FSIP2: variants seen among roughly 807,000 people sequenced by gnomAD.
FSIP2 encodes the protein fibrous sheath interacting protein 2, also known as fibrous sheath-interacting protein 2.
FSIP2 carries 367 observed loss-of-function variants against 510.5 expected under a neutral mutation model. The ratio of observed to expected loss-of-function variants is 0.72; its 90% CI spans 0.66 to 0.78. FSIP2 has a LOEUF of 0.78. Ranked by LOEUF, FSIP2 falls within the 30% of genes least tolerant of loss-of-function variation. The probability of loss-of-function intolerance (pLI) is 0.00; values close to 1 mark genes in which losing one functional copy is unlikely to be tolerated. For missense variants in FSIP2, 7,594 were observed against 7,901.7 expected, an observed-to-expected ratio of 0.96 and a Z score of 1.48; for synonymous variants, 2,601 against 2,732.2, an observed-to-expected ratio of 0.95 and a Z score of 1.50.
At position 185,783,089 on chromosome 2, in the gene FSIP2, G is replaced by A. The variant is rs1045765685; in HGVS notation, c.1469+327G>A. On this transcript the variant is annotated intron_variant, in intron 14 of 22. Coordinates refer to ENST00000424728, the MANE Select transcript of FSIP2 (RefSeq NM_173651.4). ...CTTTGCTTTTCTCTTCTTTGAAACA[G>A]CTACCATTTCTTATGTTTTTTGAGA... Among the ~76,000 whole-genome samples, 3 of 152,176 alleles carry A rather than the reference G, an allele frequency of 2.0e-5. No individual in the cohort carries two copies. In the East Asian group the frequency reaches 5.8e-4, roughly 29 times the overall value.
chr2:185,812,391 T>A (rs1574202600), intron 17 of FSIP2, among the ~76,000 whole-genome samples: 1 of 152,134 alleles, frequency 6.6e-6, no homozygotes, highest in Non-Finnish European at 1.5e-5. Context: ...GTTTGCCCAA[T>A]GCCTGTACCT....
intron 15 of FSIP2, among the ~76,000 whole-genome samples, chr2:185,786,958 T>TATCA (rs1693000787): frequency 6.6e-6 from 1 of 151,862 alleles, no homozygotes; most frequent in Non-Finnish European, 1.5e-5. Flanking sequence ...GGATTCTATC[T>TATCA]ATCATATTTC....
Position 185,805,474 on chromosome 2 carries a change from T to C in FSIP2, c.16168T>C (p.Ser5390Pro), listed in dbSNP as rs772010385. The C allele has an allele frequency of 6.2e-7, 1 of 1,611,392 alleles. No individual in the cohort carries two copies. Among genetic ancestry groups the C allele is most frequent in the Admixed American group, 1.7e-5 (1 of 59,750 alleles). ...MIAALTQKAI[S>P]AFRIQPLFSG... ...TGCTGCTCTAACCCAGAAGGCAATA[T>C]CTGCATTCAGGATTCAACCACTTTT... Residue 5390 changes from serine (S) to proline (P), a missense_variant, in exon 17 of 23, where the codon TCT becomes CCT. Ser to Pro is a moderately conservative substitution (Grantham distance 74, BLOSUM62 -1). Transcript: ENST00000424728.
intron 21 of FSIP2, among the ~76,000 whole-genome samples, chr2:185,830,303 T>C (rs1384144541): frequency 2.0e-5 from 3 of 151,918 alleles, no homozygotes; most frequent in Non-Finnish European, 4.4e-5. Flanking sequence ...AACTCTGACA[T>C]AGCCAAGGTT....
chr2:185,755,851 G>A (rs1207402567), intron 8 of FSIP2, among the ~76,000 whole-genome samples: 2 of 151,550 alleles, frequency 1.3e-5, no homozygotes, highest in Non-Finnish European at 3.0e-5. Context: ...AAGAATTACA[G>A]CAGTCACTGT....
chr2:185,763,978 C>T (rs549387139), intron 12 of FSIP2, among the ~76,000 whole-genome samples: 1 of 151,580 alleles, frequency 6.6e-6, no homozygotes, highest in African/African-American at 2.4e-5. Flanking sequence ...GTTCACTGTT[C>T]TACCATATCA....
At chr2:185,751,620 T>C in intron 7 of FSIP2, among the ~76,000 whole-genome samples, 1 of 151,260 alleles carries the variant, frequency 6.6e-6, no homozygotes, top group East Asian at 1.9e-4. Context: ...ATGTGTGTCA[T>C]CTCATTATTT....
Position 185,805,953 on chromosome 2 carries a change from T to C in FSIP2, c.16647T>C (p.Asp5549=). The C allele has an allele frequency of 3.2e-6, 5 of 1,577,606 alleles. No homozygotes were observed. The highest frequency in any genetic ancestry group is 4.3e-6 in the Non-Finnish European group (5 of 1,168,148). Residue 5549 remains aspartate (D), a synonymous_variant, in exon 17 of 23, where the codon GAT becomes GAC. Coordinates refer to ENST00000424728, the MANE Select transcript of FSIP2 (RefSeq NM_173651.4). ...VTSTTTVKSK[D]TQEPNLSETF... ...CAACTACCACTGTGAAAAGTAAAGA[T>C]ACTCAGGAGCCAAATTTGAGTGAAA... is the stretch of plus-strand genomic sequence containing the variant.
chr2:185,807,099 A>C lies in FSIP2; in HGVS notation c.17793A>C (p.Gln5931His), dbSNP rs941733771. The change falls in exon 17 of 23, where the codon CAA becomes CAC. Residue 5931 changes from glutamine (Q) to histidine (H), a missense_variant. Coordinates refer to ENST00000424728, the MANE Select transcript of FSIP2 (RefSeq NM_173651.4). ...VCNILNDYGS[Q>H]DSIWKNINSN... Reference sequence around the variant, plus strand: ...ATATTTTAAATGACTATGGATCTCAAGACTCTATTTGGAAGAATATAAACA... The same window carrying C: ...ATATTTTAAATGACTATGGATCTCACGACTCTATTTGGAAGAATATAAACA... 8.1e-6 allele frequency: 13 copies of C among 1,597,724 alleles called. No individual in the cohort carries two copies. Among genetic ancestry groups the C allele is most frequent in the Non-Finnish European group, 1.1e-5 (13 of 1,174,486 alleles).
At chr2:185,775,874 G>A (rs1332791919) in intron 13 of FSIP2, among the ~76,000 whole-genome samples, 1 of 152,168 alleles carries the variant, frequency 6.6e-6, no homozygotes. Flanking sequence ...ATGTTGGCCA[G>A]GCTGGTGTTG....
Position 185,800,115 on chromosome 2 carries a change from C to T in FSIP2, c.10809C>T (p.Leu3603=). 1 of 1,534,094 alleles carries T rather than the reference C, an allele frequency of 6.5e-7. No individual in the cohort carries two copies. The highest frequency in any genetic ancestry group is 8.7e-7 in the Non-Finnish European group (1 of 1,145,610). ...TAGTTTCTGGTGGCTTTGATGACCT[C>T]TTTCAGGATCTCTTAGTAGGAGTGA... ...PGIVSGGFDD[L]FQDLLVGVIH... is the part of the protein sequence containing the mutation. The change falls in exon 17 of 23, where the codon CTC becomes CTT. Residue 3603 remains leucine (L), a synonymous_variant. Transcript: ENST00000424728.
rs1693160054 is a variant in FSIP2, at chr2:185,792,458, A to G, written c.5322A>G (p.Ile1774Met). The change falls in exon 16 of 23, where the codon ATA (isoleucine) becomes ATG (methionine). Residue 1774 changes from isoleucine to methionine, a missense_variant. Coordinates refer to ENST00000424728, the MANE Select transcript of FSIP2 (RefSeq NM_173651.4). Reference sequence around the variant, plus strand: ...AAGTAAAACTCAAAGAACCACATATATCTCCAATTGCTCCCATTATAAGAA... The same window carrying G: ...AAGTAAAACTCAAAGAACCACATATGTCTCCAATTGCTCCCATTATAAGAA... ...KIEVKLKEPH[I>M]SPIAPIIRNI... 6.5e-7 allele frequency: 1 copy of G among 1,531,192 alleles called. No homozygotes were observed. The highest frequency in any genetic ancestry group is 1.4e-5 in the African/African-American group (1 of 72,928). The allele number at this position is 1,531,192 out of a possible 1,614,324, so 94.9% of individuals were successfully genotyped here.
intron 19 of FSIP2, among the ~76,000 whole-genome samples, chr2:185,823,280 T>C (rs11895116): frequency 0.54 from 82,508 of 151,466 alleles, 22,725 homozygotes; most frequent in South Asian, 0.64. Flanking sequence ...AGTCAACCCA[T>C]GGAATGGGAG....
intron 13 of FSIP2, among the ~76,000 whole-genome samples, chr2:185,767,500 C>G (rs1270576695): frequency 6.6e-6 from 1 of 152,040 alleles, no homozygotes; most frequent in Non-Finnish European, 1.5e-5. Flanking sequence ...TTCCTATGAG[C>G]TTGACATTTT....
At position 185,804,171 on chromosome 2, in the gene FSIP2, G is replaced by A; in HGVS notation, c.14865G>A (p.Glu4955=). 1 of 1,510,680 alleles carries A rather than the reference G, an allele frequency of 6.6e-7. No homozygotes were observed. Among genetic ancestry groups the A allele is most frequent in the Non-Finnish European group, 8.8e-7 (1 of 1,135,766 alleles). The allele number at this position is 1,510,680 out of a possible 1,614,324, so 93.6% of individuals were successfully genotyped here. Residue 4955 remains glutamate, a synonymous_variant, in exon 17 of 23, where the codon GAG becomes GAA. Coordinates refer to ENST00000424728, the MANE Select transcript of FSIP2 (RefSeq NM_173651.4). Reference sequence around the variant, plus strand: ...TCTTTTTGGAGGAAGTAATTTCTGAGCTCTTATGCAAAATTCTTTATGCAT... The same window carrying A: ...TCTTTTTGGAGGAAGTAATTTCTGAACTCTTATGCAAAATTCTTTATGCAT... ...SSVFLEEVIS[E]LLCKILYAFS...
At chr2:185,764,593 A>T (rs1041497322) in intron 13 of FSIP2, 28 bp downstream of exon 13, 16 of 1,379,910 alleles carry the variant, frequency 1.2e-5, no homozygotes, top group Non-Finnish European at 1.6e-5. Context: ...TTATTGAGTA[A>T]ATCTTGCATT....
chr2:185,760,503 AT>A (rs1692328568), intron 9 of FSIP2, among the ~76,000 whole-genome samples: 1 of 147,372 alleles, frequency 6.8e-6, no homozygotes, highest in Non-Finnish European at 1.5e-5. Flanking sequence ...ATTTATATTT[AT>A]TATAATAAAA....
chr2:185,738,427 G>A, upstream of FSIP2: 1 of 612,726 alleles, frequency 1.6e-6, no homozygotes, highest in South Asian at 2.0e-5. Flanking sequence ...TGGACCTGGT[G>A]TGGGAAGAAG....
chr2:185,806,647 A>T lies in FSIP2; in HGVS notation c.17341A>T (p.Ile5781Phe), dbSNP rs749362316. 6.2e-7 allele frequency: 1 copy of T among 1,605,854 alleles called. No individual in the cohort carries two copies. The highest frequency in any genetic ancestry group is 8.5e-7 in the Non-Finnish European group (1 of 1,177,328). The change falls in exon 17 of 23, where the codon ATT (isoleucine) becomes TTT (phenylalanine). Residue 5781 changes from isoleucine (I) to phenylalanine (F), a missense_variant. By Grantham distance (21) the Ile-to-Phe change is conservative (BLOSUM62 0). Coordinates refer to ENST00000424728, the MANE Select transcript of FSIP2 (RefSeq NM_173651.4). ...PQNQRESKPG[I>F]FPAKFLEDVI... ...AAACCAACGAGAAAGTAAACCTGGA[A>T]TTTTTCCCGCTAAGTTTTTAGAAGA...
Sources: gnomAD v4.1 joint callset for allele counts (sites outside exome capture counted in the v4.1 genomes callset) on GRCh38, gnomAD v4.1.1 for gene constraint, MANE v1.5 for transcripts, NCBI Gene and HGNC (gene_info 2026-07-23, HGNC 2026-07-21) for gene names.